Variants in PPM1E observed in about 807,000 individuals in gnomAD.
PPM1E encodes protein phosphatase, Mg2+/Mn2+ dependent 1E.
Under a neutral mutation model 65.9 loss-of-function variants are expected in PPM1E, and 20 were observed. The ratio of observed to expected loss-of-function variants is 0.30; its 90% CI spans 0.21 to 0.44. The LOEUF (loss-of-function observed/expected upper bound fraction) is 0.44. PPM1E is among the 20% of genes least tolerant of loss of function. The pLI is 1.00. For missense variants in PPM1E, 713 were observed against 953.1 expected, an observed-to-expected ratio of 0.75 and a Z score of 3.32; for synonymous variants, 352 against 374.9, an observed-to-expected ratio of 0.94 and a Z score of 0.70.
At chr17:58,879,596 C>G (rs936895671) in intron 1 of PPM1E, among the ~76,000 whole-genome samples, 2 of 150,050 alleles carry the variant, frequency 1.3e-5, no homozygotes, top group African/African-American at 4.9e-5. Context: ...GCAAGCTCCG[C>G]CTCCCGGGTT....
intron 1 of PPM1E, among the ~76,000 whole-genome samples, chr17:58,883,483 CTTT>C (rs71143299): frequency 8.9e-6 from 1 of 111,920 alleles, no homozygotes. Context: ...GCTGCCTGTT[CTTT>C]TTTTTTTTTT....
chr17:58,764,752 C>A (rs932919691), intron 1 of PPM1E, among the ~76,000 whole-genome samples: 9 of 152,034 alleles, frequency 5.9e-5, no homozygotes, highest in Non-Finnish European at 1.2e-4. Flanking sequence ...TGCCACCATG[C>A]TCGGCTAATT....
chr17:58,933,233 T>G (rs2051927149), intron 1 of PPM1E, among the ~76,000 whole-genome samples: 1 of 152,226 alleles, frequency 6.6e-6, no homozygotes, highest in Non-Finnish European at 1.5e-5. Context: ...ATAATTAGTC[T>G]GCTGTTCAGC....
chr17:58,969,748 T>G (rs2030474548), intron 4 of PPM1E, 21 bp downstream of exon 4: 1 of 1,611,856 alleles, frequency 6.2e-7, no homozygotes, highest in Non-Finnish European at 8.5e-7. Flanking sequence ...TTCTCATAAG[T>G]TCCAGCTAGA....
intron 1 of PPM1E, among the ~76,000 whole-genome samples, chr17:58,954,641 A>T (rs185146319): frequency 1.4e-4 from 22 of 151,762 alleles, no homozygotes; most frequent in African/African-American, 5.1e-4. Context: ...ACTTTGGGAG[A>T]CTGAGGCAGA....
chr17:58,941,075 T>G (rs2143601526), intron 1 of PPM1E, among the ~76,000 whole-genome samples: 1 of 152,298 alleles, frequency 6.6e-6, no homozygotes, highest in Admixed American at 6.5e-5. Context: ...TACTAAAAAT[T>G]CATATAGGTA....
intron 1 of PPM1E, among the ~76,000 whole-genome samples, chr17:58,805,053 G>A (rs991149502): frequency 6.6e-6 from 1 of 151,554 alleles, no homozygotes; most frequent in Non-Finnish European, 1.5e-5. Context: ...CCCAGCCTCT[G>A]GTATCTATCA....
chr17:58,956,413 GAGAA>G (rs2029876596), intron 2 of PPM1E, among the ~76,000 whole-genome samples: 2 of 149,466 alleles, frequency 1.3e-5, no homozygotes, highest in South Asian at 4.2e-4. Context: ...TCCAGCCTGG[GAGAA>G]AGAGTGAAAC....
chr17:58,902,001 T>TA (rs1173248389), intron 1 of PPM1E, among the ~76,000 whole-genome samples: 1 of 151,930 alleles, frequency 6.6e-6, no homozygotes, highest in African/African-American at 2.4e-5. Context: ...AATAAAATAT[T>TA]AAAAATGAAT....
At chr17:58,903,139 A>T (rs573230997) in intron 1 of PPM1E, among the ~76,000 whole-genome samples, 1 of 152,336 alleles carries the variant, frequency 6.6e-6, no homozygotes, top group South Asian at 2.1e-4. Context: ...TCATGGACTG[A>T]TACCCTTATT....
intron 1 of PPM1E, among the ~76,000 whole-genome samples, chr17:58,805,964 AAAAAAAAAACAAAAAAAAAACAAAAC>A (rs1567838759): frequency 9.5e-5 from 11 of 115,218 alleles, no homozygotes; most frequent in South Asian, 3.0e-4. Context: ...AAAAAAACAA[AAAAAAAAAACAAAAAAAAAACAAAAC>A]AAAACAAAAC....
intron 1 of PPM1E, among the ~76,000 whole-genome samples, chr17:58,920,449 C>T (rs1386909880): frequency 1.3e-5 from 2 of 152,220 alleles, no homozygotes; most frequent in Admixed American, 6.5e-5. Flanking sequence ...CCCACAACTC[C>T]TGTCTTTCCA....
At chr17:58,908,637 G>A (rs202092859) in intron 1 of PPM1E, among the ~76,000 whole-genome samples, 34 of 149,872 alleles carry the variant, frequency 2.3e-4, no homozygotes, top group East Asian at 1.4e-3. Context: ...ATGGGGTTTC[G>A]CCATGTTGGC....
intron 1 of PPM1E, among the ~76,000 whole-genome samples, chr17:58,879,380 C>T (rs1001134694): frequency 1.3e-5 from 2 of 150,866 alleles, no homozygotes; most frequent in Non-Finnish European, 2.9e-5. Flanking sequence ...CCTGCTACCT[C>T]AGCTTCTACG....
At chr17:58,794,132 A>G (rs1467481164) in intron 1 of PPM1E, among the ~76,000 whole-genome samples, 2 of 152,146 alleles carry the variant, frequency 1.3e-5, no homozygotes, top group Non-Finnish European at 2.9e-5. Flanking sequence ...TTTAGTAGAG[A>G]CAGGGTTTTG....
intron 1 of PPM1E, among the ~76,000 whole-genome samples, chr17:58,920,468 C>T (rs999644221): frequency 1.3e-5 from 2 of 152,138 alleles, no homozygotes; most frequent in African/African-American, 4.8e-5. Flanking sequence ...CAGCCCTCTC[C>T]CTGTAGTATA....
chr17:58,971,651 G>A (rs752990594), intron 4 of PPM1E, among the ~76,000 whole-genome samples: 2 of 152,140 alleles, frequency 1.3e-5, no homozygotes, highest in Non-Finnish European at 2.9e-5. Flanking sequence ...CATCTGTTGT[G>A]TACCAATCAG....
intron 1 of PPM1E, among the ~76,000 whole-genome samples, chr17:58,801,440 C>CTTTTTTTT (rs35970989): frequency 9.9e-6 from 1 of 101,146 alleles, no homozygotes; most frequent in Admixed American, 1.0e-4. Flanking sequence ...CCCCTTCAGT[C>CTTTTTTTT]TTTTTTTTTT....
chr17:58,901,660 G>A lies in PPM1E; in HGVS notation c.465-53989G>A, dbSNP rs146147962. On this transcript the variant is annotated intron_variant, in intron 1 of 6. Coordinates refer to ENST00000308249, the MANE Select transcript of PPM1E (RefSeq NM_014906.5). ...GCTGCACTCCAGCCTGGACAACAGAGCAAGACCCTGTCTCAAAAAATAATA... is the reference window on the plus strand; with the variant it reads ...GCTGCACTCCAGCCTGGACAACAGAACAAGACCCTGTCTCAAAAAATAATA... Among the ~76,000 whole-genome samples the A allele has an allele frequency of 1.2e-4, 18 of 147,182 alleles. No homozygotes were observed. In the East Asian group the frequency reaches 3.7e-3, roughly 30 times the overall value.
Sources: allele counts gnomAD v4.1 joint callset (sites outside exome capture counted in the v4.1 genomes callset), GRCh38; gene constraint gnomAD v4.1.1; transcripts MANE v1.5; gene names NCBI Gene and HGNC (gene_info 2026-07-23, HGNC 2026-07-21).